Variants in ZC3H18 observed in about 807,000 individuals in gnomAD.
The protein encoded by ZC3H18 is zinc finger CCCH domain-containing protein 18.
ZC3H18 carries 8 observed loss-of-function variants against 106.1 expected under a neutral mutation model. The ratio of observed to expected loss-of-function variants is 0.08; its 90% CI spans 0.04 to 0.14. The LOEUF (loss-of-function observed/expected upper bound fraction) is 0.14, where lower values mean the gene tolerates loss of function less well. ZC3H18 is among the 10% of genes least tolerant of loss of function. The pLI is 1.00. For synonymous variants in ZC3H18, 635 were observed against 522.1 expected, an observed-to-expected ratio of 1.22 and a Z score of -2.95; for missense variants, 1,318 against 1,278.4, an observed-to-expected ratio of 1.03 and a Z score of -0.47.
chr16:88,593,617 G>A (rs986725565), intron 3 of ZC3H18, among the ~76,000 whole-genome samples: 1 of 152,198 alleles, frequency 6.6e-6, no homozygotes, highest in Non-Finnish European at 1.5e-5. Context: ...CAAGTCCAGC[G>A]GCCTCAAGGG....
At chr16:88,572,842 C>G (rs1361433221) in intron 1 of ZC3H18, among the ~76,000 whole-genome samples, 1 of 152,054 alleles carries the variant, frequency 6.6e-6, no homozygotes, top group African/African-American at 2.4e-5. Flanking sequence ...ACTGCAACCT[C>G]CTCCTCCTGG....
chr16:88,620,760 T>C (rs375653004), intron 8 of ZC3H18, among the ~76,000 whole-genome samples: 2 of 151,936 alleles, frequency 1.3e-5, no homozygotes. Context: ...CTGTAAAATG[T>C]GTATCTCCTT....
chr16:88,622,828 A>T lies in ZC3H18; in HGVS notation c.1668-391A>T, dbSNP rs1260568377. On this transcript the variant is annotated intron_variant, in intron 9 of 17. Transcript: ENST00000301011. The stretch of plus-strand genomic sequence containing the variant: ...GATGGAAAGCAGGGGGCCGGGGTAG[A>T]CCCCATCATGCTCGGCAGGAACAGG... 1.3e-5 allele frequency: 4 copies of T among 304,932 alleles called. No individual in the cohort carries two copies. In the Admixed American group the frequency reaches 2.0e-4, roughly 15 times the overall value. The allele number at this position is 304,932 out of a possible 1,614,324, so 18.9% of individuals were successfully genotyped here.
Position 88,611,311 on chromosome 16 carries a change from G to A in ZC3H18, c.1250G>A (p.Arg417His), listed in dbSNP as rs765154030. Residue 417 changes from arginine to histidine, a missense_variant, in exon 8 of 18, where the codon CGC becomes CAC. Physicochemically the swap from Arg to His is conservative, Grantham distance 29. This residue lies in a region of ZC3H18 where 848 missense variants were observed against 821.7 expected (regional missense o/e 1.03). Coordinates refer to ENST00000301011, the MANE Select transcript of ZC3H18 (RefSeq NM_144604.4). ...GAGAGAGAGAACAGACAGCGCGAGC[G>A]CGAGCGGGAGCGGGAGCGGGACCGA... ...ERERENRQRE[R>H]ERERERDRER... 4.9e-5 allele frequency: 37 copies of A among 755,850 alleles called. No homozygotes were observed. Among genetic ancestry groups the A allele is most frequent in the South Asian group, 4.3e-4 (30 of 70,294 alleles). The allele number at this position is 755,850 out of a possible 1,614,324, so 46.8% of individuals were successfully genotyped here. A position where few individuals can be genotyped will look rare whatever the true frequency, so the allele number is the denominator to read the frequency against.
chr16:88,609,120 A>C, intron 7 of ZC3H18, 69 bp downstream of exon 7: 1 of 1,333,830 alleles, frequency 7.5e-7, no homozygotes, highest in Middle Eastern at 2.2e-4. Flanking sequence ...CTTTTTATTT[A>C]CAGTAAAAAA....
chr16:88,590,659 A>G (rs1915698069), intron 3 of ZC3H18, among the ~76,000 whole-genome samples: 1 of 140,436 alleles, frequency 7.1e-6, no homozygotes, highest in Non-Finnish European at 1.5e-5. Flanking sequence ...ACCTGGGTTC[A>G]AGCTATTCTT....
Position 88,624,591 on chromosome 16 carries a change from C to T in ZC3H18, c.1899-11C>T. 3 of 1,613,724 alleles carry T rather than the reference C, an allele frequency of 1.9e-6. No homozygotes were observed. The highest frequency in any genetic ancestry group is 1.7e-6 in the Non-Finnish European group (2 of 1,179,978). On this transcript the variant is annotated splice_polypyrimidine_tract_variant and intron_variant, in intron 11 of 17. Coordinates refer to ENST00000301011, the MANE Select transcript of ZC3H18 (RefSeq NM_144604.4). Reference sequence around the variant, plus strand: ...CCAGCCCTGCCCTGCTCGAGCCTCCCTGTCTCACAGAGAGAAGTCAGTGAA... The same window carrying T: ...CCAGCCCTGCCCTGCTCGAGCCTCCTTGTCTCACAGAGAGAAGTCAGTGAA...
At chr16:88,600,656 A>T (rs1459979452) in intron 6 of ZC3H18, among the ~76,000 whole-genome samples, 1 of 152,262 alleles carries the variant, frequency 6.6e-6, no homozygotes, top group East Asian at 1.9e-4. Context: ...CAAGTGATCC[A>T]CCCACGCCTG....
chr16:88,582,635 G>C (rs1915204384), intron 2 of ZC3H18, among the ~76,000 whole-genome samples: 1 of 152,216 alleles, frequency 6.6e-6, no homozygotes, highest in East Asian at 1.9e-4. Flanking sequence ...TACCACACTT[G>C]GAAAAAGGGC....
chr16:88,629,910 G>A (rs1386773803), intron 16 of ZC3H18, among the ~76,000 whole-genome samples: 1 of 152,236 alleles, frequency 6.6e-6, no homozygotes, highest in Non-Finnish European at 1.5e-5. Flanking sequence ...TCGGACACAG[G>A]AAGAGGAAGC....
In ZC3H18 at chr16:88,625,374, C is replaced by T. The variant is rs556984979; in HGVS notation, c.2108+107C>T. 5 of 1,397,522 alleles carry T rather than the reference C, an allele frequency of 3.6e-6. No homozygotes were observed. In the African/African-American group the frequency reaches 7.1e-5, roughly 20 times the overall value. 86.6% of individuals were successfully genotyped at this position (1,397,522 alleles called of 1,614,324 possible). A position where few individuals can be genotyped will look rare whatever the true frequency, so the allele number is the denominator to read the frequency against. ...CTGTCTCCCACAGGTGGGCTGGGGC[C>T]CTTCTGGATCTGAGTCACCCTGGGG... On this transcript the variant is annotated intron_variant, in intron 13 of 17. Transcript: ENST00000301011.
chr16:88,577,723 A>C lies in ZC3H18; in HGVS notation c.600A>C (p.Ile200=). 2 of 1,613,228 alleles carry C rather than the reference A, an allele frequency of 1.2e-6. No homozygotes were observed. Among genetic ancestry groups the C allele is most frequent in the Admixed American group, 1.7e-5 (1 of 60,030 alleles). The change falls in exon 2 of 18, where the codon ATA becomes ATC. Residue 200 remains isoleucine (I), a synonymous_variant. Transcript: ENST00000301011. ...ATGGAGAAATCGATGATGGGGAAATAGACGTGAGTATGATGGAGCAGAGCG... is the reference window on the plus strand; with the variant it reads ...ATGGAGAAATCGATGATGGGGAAATCGACGTGAGTATGATGGAGCAGAGCG... ...DDDGEIDDGE[I]DDDDLEEGEV...
intron 16 of ZC3H18, among the ~76,000 whole-genome samples, chr16:88,629,143 G>T (rs907558935): frequency 1.3e-5 from 2 of 151,990 alleles, no homozygotes; most frequent in Non-Finnish European, 2.9e-5. Context: ...GTTCCAGACC[G>T]GCCTGGCCAA....
chr16:88,630,745 C>CCCT (rs1395556089), intron 17 of ZC3H18, among the ~76,000 whole-genome samples, 164 bp downstream of exon 17: 103 of 79,440 alleles, frequency 1.3e-3, no homozygotes, highest in African/African-American at 4.5e-3. Flanking sequence ...CGAATTGCAG[C>CCCT]CCCACCCCCC....
At chr16:88,630,708 G>C in intron 17 of ZC3H18, 127 bp downstream of exon 17, 1 of 707,732 alleles carries the variant, frequency 1.4e-6, no homozygotes, top group African/African-American at 1.8e-5. Context: ...GCTCCTGCTG[G>C]TCTGACGGGG....
intron 1 of ZC3H18, 23 bp from the exon 2 acceptor site, chr16:88,577,087 A>C: frequency 6.7e-7 from 1 of 1,501,588 alleles, no homozygotes. Flanking sequence ...AAAGGCTGTC[A>C]ATCTGTATTC....
At chr16:88,578,112 G>A (rs775901678) in intron 2 of ZC3H18, among the ~76,000 whole-genome samples, 24 of 152,182 alleles carry the variant, frequency 1.6e-4, no homozygotes, top group Non-Finnish European at 3.1e-4. Flanking sequence ...AAACCACGTG[G>A]GTTTCCACTC....
intron 2 of ZC3H18, among the ~76,000 whole-genome samples, chr16:88,585,552 G>T (rs899968625): frequency 6.6e-6 from 1 of 152,192 alleles, no homozygotes; most frequent in East Asian, 1.9e-4. Flanking sequence ...AGGACCTGTC[G>T]TAGGGGGAGC....
chr16:88,630,444 G>A (rs767188090), intron 16 of ZC3H18, 41 bp from the exon 17 acceptor site: 6 of 1,559,338 alleles, frequency 3.8e-6, no homozygotes, highest in East Asian at 4.5e-5. Context: ...GCCATTCCCT[G>A]TACATCAGGA....
Sources: allele counts gnomAD v4.1 joint callset (sites outside exome capture counted in the v4.1 genomes callset), GRCh38; gene constraint gnomAD v4.1.1; regional missense constraint gnomAD v4.1.1; transcripts MANE v1.5; gene names NCBI Gene and HGNC (gene_info 2026-07-23, HGNC 2026-07-21).